Variants in PHC3 observed in about 807,000 individuals in gnomAD.
PHC3 encodes the protein polyhomeotic homolog 3, also known as polyhomeotic-like protein 3.
PHC3 carries 13 observed loss-of-function variants against 107.4 expected under a neutral mutation model. The ratio of observed to expected loss-of-function variants is 0.12; its 90% CI spans 0.08 to 0.19. PHC3 has a LOEUF of 0.19. Ranked by LOEUF, PHC3 falls within the 10% of genes least tolerant of loss-of-function variation. The pLI, the probability that PHC3 is intolerant of heterozygous loss-of-function variation, is 1.00. For synonymous variants in PHC3, 456 were observed against 427.4 expected (o/e 1.07, Z -0.83); for missense variants, 992 against 1,210.9 (o/e 0.82, Z 2.68).
At chr3:170,181,581 C>A in intron 1 of PHC3, 121 bp downstream of exon 1, 2 of 1,448,996 alleles carry the variant, frequency 1.4e-6, no homozygotes, top group Admixed American at 1.8e-5. Context: ...TAGGACGGGT[C>A]TCGAGTCTCT....
At chr3:170,176,147 A>C (rs1730432651) in intron 2 of PHC3, among the ~76,000 whole-genome samples, 1 of 147,476 alleles carries the variant, frequency 6.8e-6, no homozygotes, top group African/African-American at 2.5e-5. Flanking sequence ...AATCGCTTGA[A>C]CCTGGGAGGC....
At chr3:170,124,712 T>G (rs879723577) in intron 8 of PHC3, among the ~76,000 whole-genome samples, 1 of 152,174 alleles carries the variant, frequency 6.6e-6, no homozygotes, top group Non-Finnish European at 1.5e-5. Context: ...AAGAAACCTT[T>G]CAGCAACATC....
chr3:170,125,059 G>A (rs969069210), intron 8 of PHC3, among the ~76,000 whole-genome samples: 3 of 152,068 alleles, frequency 2.0e-5, no homozygotes, highest in Non-Finnish European at 4.4e-5. Flanking sequence ...TCAGAACTGT[G>A]ATCTGAATCA....
chr3:170,172,487 C>A (rs143999230), intron 3 of PHC3, 70 bp downstream of exon 3: 1 of 1,497,012 alleles, frequency 6.7e-7, no homozygotes, highest in South Asian at 1.3e-5. Context: ...AATACCCAAT[C>A]TATTTATTTT....
chr3:170,129,664 A>G, intron 7 of PHC3, 112 bp from the exon 8 acceptor site: 1 of 1,128,588 alleles, frequency 8.9e-7, no homozygotes, highest in Non-Finnish European at 1.3e-6. Flanking sequence ...TCAGAATTCT[A>G]TTACAAGTTT....
intron 8 of PHC3, 32 bp downstream of exon 8, chr3:170,128,652 G>A (rs1159557883): frequency 6.3e-7 from 1 of 1,584,968 alleles, no homozygotes; most frequent in African/African-American, 1.4e-5. Context: ...TTTCAGTTCA[G>A]CAAGAAAGTC....
At chr3:170,146,904 C>CA (rs1725065236) in intron 5 of PHC3, among the ~76,000 whole-genome samples, 5 of 105,352 alleles carry the variant, frequency 4.7e-5, no homozygotes, top group Admixed American at 1.2e-4. Context: ...TTTTTTGAGA[C>CA]AGAGTTTCAC....
chr3:170,140,533 C>T (rs1429573982), intron 6 of PHC3, among the ~76,000 whole-genome samples: 2 of 147,130 alleles, frequency 1.4e-5, no homozygotes, highest in Admixed American at 6.8e-5. Flanking sequence ...GGATTACATG[C>T]GTGAGCCACT....
At chr3:170,160,975 T>C (rs1410423949) in intron 4 of PHC3, among the ~76,000 whole-genome samples, 2 of 152,244 alleles carry the variant, frequency 1.3e-5, no homozygotes, top group African/African-American at 2.4e-5. Context: ...GCAGGCTTTC[T>C]GCTTTTTGCT....
At chr3:170,150,658 A>G (rs963400344) in intron 4 of PHC3, 1 of 338,988 alleles carries the variant, frequency 2.9e-6, no homozygotes, top group Non-Finnish European at 5.8e-6. Flanking sequence ...GCTTGCAGTG[A>G]GCCGAGATTG....
At chr3:170,153,537 G>A (rs1726363975) in intron 4 of PHC3, among the ~76,000 whole-genome samples, 1 of 152,112 alleles carries the variant, frequency 6.6e-6, no homozygotes, top group Admixed American at 6.6e-5. Context: ...GCCGAGGCGG[G>A]CGGATCACGA....
chr3:170,101,911 A>C (rs1715549777), intron 14 of PHC3, among the ~76,000 whole-genome samples: 1 of 152,172 alleles, frequency 6.6e-6, no homozygotes, highest in Non-Finnish European at 1.5e-5. Flanking sequence ...CTATTTGAAA[A>C]ATAAAATTTC....
intron 1 of PHC3, among the ~76,000 whole-genome samples, chr3:170,180,013 G>A (rs1312522863): frequency 6.6e-6 from 1 of 152,050 alleles, no homozygotes; most frequent in Non-Finnish European, 1.5e-5. Flanking sequence ...AAAAACAAAT[G>A]AATCTGGCAC....
At chr3:170,098,033 T>C (rs1182168010) in intron 14 of PHC3, among the ~76,000 whole-genome samples, 1 of 152,196 alleles carries the variant, frequency 6.6e-6, no homozygotes, top group Non-Finnish European at 1.5e-5. Context: ...GTCTCCACTT[T>C]TGTTAAGAAA....
chr3:170,091,633 A>C lies in PHC3; in HGVS notation c.*5597T>G, dbSNP rs1714096432. ...GGTGTGTGCATGTGTCTGAGTAGAA[A>C]AGCTGATCTTCAGAGCTGAAAAGGA... is the stretch of plus-strand genomic sequence containing the variant. On this transcript the variant is annotated 3_prime_UTR_variant, in exon 15 of 15. Transcript: ENST00000495893. 1 of 152,182 alleles carries C rather than the reference A, an allele frequency of 6.6e-6. No individual in the cohort carries two copies. Among genetic ancestry groups the C allele is most frequent in the African/African-American group, 2.4e-5 (1 of 41,456 alleles). 9.4% of individuals were successfully genotyped at this position (152,182 alleles called of 1,614,324 possible).
At chr3:170,156,482 C>G (rs1464184389) in intron 4 of PHC3, among the ~76,000 whole-genome samples, 2 of 151,972 alleles carry the variant, frequency 1.3e-5, no homozygotes, top group Non-Finnish European at 2.9e-5. Flanking sequence ...GAACTCCTGA[C>G]CTGAAGTGAT....
intron 11 of PHC3, among the ~76,000 whole-genome samples, chr3:170,111,325 C>T (rs559568907): frequency 1.0e-5 from 1 of 99,630 alleles, no homozygotes; most frequent in East Asian, 2.5e-4. Flanking sequence ...AAGGAACGAA[C>T]GAACGAAAGA....
chr3:170,165,442 T>C (rs1384048319), intron 4 of PHC3, among the ~76,000 whole-genome samples: 3 of 151,892 alleles, frequency 2.0e-5, no homozygotes, highest in African/African-American at 7.3e-5. Context: ...AATACCCAGA[T>C]AACAAAGATA....
At chr3:170,135,541 T>C (rs538463888) in intron 7 of PHC3, among the ~76,000 whole-genome samples, 1 of 151,982 alleles carries the variant, frequency 6.6e-6, no homozygotes, top group Non-Finnish European at 1.5e-5. Context: ...TATATAGTTA[T>C]AGTGATTTAG....
Sources: allele counts gnomAD v4.1 joint callset (sites outside exome capture counted in the v4.1 genomes callset), GRCh38; gene constraint gnomAD v4.1.1; transcripts MANE v1.5; gene names NCBI Gene and HGNC (gene_info 2026-07-23, HGNC 2026-07-21).